The following GALNT17 variants were observed in gnomAD, a reference collection of about 807,000 sequenced individuals.
GALNT17 encodes UDP-GalNAc:polypeptide N-acetylgalactosaminyltransferase-like 3.
GALNT17 carries 29 observed loss-of-function variants against 63.7 expected under a neutral mutation model. The ratio of observed to expected loss-of-function variants is 0.46; its 90% CI spans 0.34 to 0.62. The LOEUF is 0.62. Among genes scored for constraint, GALNT17 ranks in the 20% least tolerant of loss-of-function variants. The pLI, the probability that GALNT17 is intolerant of heterozygous loss-of-function variation, is 0.01. For missense variants in GALNT17, 603 were observed against 799.6 expected (o/e 0.75, Z 2.97); for synonymous variants, 305 against 318.3 (o/e 0.96, Z 0.45).
intron 2 of GALNT17, among the ~76,000 whole-genome samples, chr7:71,338,880 C>T (rs1479725939): frequency 6.6e-6 from 1 of 152,190 alleles, no homozygotes; most frequent in African/African-American, 2.4e-5. Context: ...AAATTTGCAG[C>T]ATTAGCTGAG....
intron 6 of GALNT17, among the ~76,000 whole-genome samples, chr7:71,628,900 T>C (rs2140889): frequency 1 from 152,196 of 152,212 alleles, 76,090 homozygotes; most frequent in Middle Eastern, 1. Context: ...CCACTGCACC[T>C]CAGCCTGGAT....
chr7:71,629,994 G>A (rs1052190495), intron 6 of GALNT17, among the ~76,000 whole-genome samples: 1 of 150,136 alleles, frequency 6.7e-6, no homozygotes, highest in African/African-American at 2.5e-5. Context: ...ATTCCTTCTA[G>A]TCCATGTTTA....
chr7:71,263,385 C>CA (rs1790422094), intron 1 of GALNT17, among the ~76,000 whole-genome samples: 2 of 152,020 alleles, frequency 1.3e-5, no homozygotes, highest in Non-Finnish European at 2.9e-5. Flanking sequence ...AAACAAGAAG[C>CA]AATCTTGCAG....
rs2115568280 is a variant in GALNT17 at position 71,710,845 on chromosome 7, G to C, written c.1585G>C (p.Asp529His). Residue 529 changes from aspartate (D) to histidine (H), a missense_variant, in exon 10 of 11, where the codon GAC (aspartate) becomes CAC (histidine). Coordinates refer to ENST00000333538, the MANE Select transcript of GALNT17 (RefSeq NM_022479.3). ...CCTCCCTGACACCCGCTGCCTGGTG[G>C]ACAACTCCAAGAGTCGGCTGCCCCA... ...TLLPDTRCLV[D>H]NSKSRLPQLL... is the part of the protein sequence containing the mutation. 1 of 1,613,898 alleles carries C rather than the reference G, an allele frequency of 6.2e-7. No homozygotes were observed. The highest frequency in any genetic ancestry group is 1.7e-4 in the Middle Eastern group (1 of 5,910).
In GALNT17 at chr7:71,471,571, A is replaced by G. The variant is rs113995079; in HGVS notation, c.962+50466A>G. 5.3e-3 allele frequency among the ~76,000 whole-genome samples: 802 copies of G among 152,130 alleles called. 8 individuals carry two copies. The highest frequency in any genetic ancestry group is 0.018 in the African/African-American group (766 of 41,508). On this transcript the variant is annotated intron_variant, in intron 5 of 10. Transcript: ENST00000333538. ...ATCACAGACCTAATTCTACCTTCCAAAGTCCTCATGGGCCACTGGTTATCC... is the reference window on the plus strand; with the variant it reads ...ATCACAGACCTAATTCTACCTTCCAGAGTCCTCATGGGCCACTGGTTATCC...
At chr7:71,622,978 T>C (rs1790318518) in intron 6 of GALNT17, among the ~76,000 whole-genome samples, 1 of 152,222 alleles carries the variant, frequency 6.6e-6, no homozygotes, top group Admixed American at 6.5e-5. Context: ...CTCCATCTTA[T>C]GCTCTTCAAG....
chr7:71,671,410 G>T (rs1791067767), intron 8 of GALNT17, among the ~76,000 whole-genome samples: 1 of 152,176 alleles, frequency 6.6e-6, no homozygotes, highest in South Asian at 2.1e-4. Flanking sequence ...TACAACTGTG[G>T]ATTTTCCTAT....
chr7:71,148,947 T>C (rs1405798300), intron 1 of GALNT17, among the ~76,000 whole-genome samples: 1 of 150,710 alleles, frequency 6.6e-6, no homozygotes, highest in Non-Finnish European at 1.5e-5. Flanking sequence ...TTGTTGTTGT[T>C]TTGAGACACA....
At chr7:71,374,992 A>G (rs928219065) in intron 2 of GALNT17, among the ~76,000 whole-genome samples, 3 of 151,860 alleles carry the variant, frequency 2.0e-5, no homozygotes, top group African/African-American at 7.3e-5. Context: ...GGCGCACACC[A>G]CCATGCCCAG....
At chr7:71,265,558 AGGT>A (rs1285891971) in intron 1 of GALNT17, among the ~76,000 whole-genome samples, 7 of 152,220 alleles carry the variant, frequency 4.6e-5, no homozygotes, top group Non-Finnish European at 8.8e-5. Flanking sequence ...GGTTTGACAG[AGGT>A]GGTGGTATCA....
At chr7:71,231,749 GGAGA>G (rs371282510) in intron 1 of GALNT17, among the ~76,000 whole-genome samples, 6 of 145,570 alleles carry the variant, frequency 4.1e-5, no homozygotes, top group Non-Finnish European at 3.0e-5. Flanking sequence ...GGAGGGAGAG[GGAGA>G]GAGAGAGAGA....
At chr7:71,671,388 T>C (rs1203951145) in intron 8 of GALNT17, among the ~76,000 whole-genome samples, 6 of 152,182 alleles carry the variant, frequency 3.9e-5, no homozygotes, top group Non-Finnish European at 8.8e-5. Context: ...CTTAGGAGTA[T>C]TTACATTTTT....
chr7:71,185,759 G>A (rs1469008335), intron 1 of GALNT17, among the ~76,000 whole-genome samples: 1 of 152,040 alleles, frequency 6.6e-6, no homozygotes, highest in African/African-American at 2.4e-5. Flanking sequence ...CGCCCACCTC[G>A]GCCTACCAAA....
intron 1 of GALNT17, among the ~76,000 whole-genome samples, chr7:71,322,136 G>A (rs1454848110): frequency 6.6e-6 from 1 of 150,830 alleles, no homozygotes. Context: ...TCATTTTTTT[G>A]TAGAGACAGG....
intron 6 of GALNT17, among the ~76,000 whole-genome samples, chr7:71,647,628 G>A (rs1185413130): frequency 1.3e-5 from 2 of 152,174 alleles, no homozygotes; most frequent in East Asian, 3.9e-4. Flanking sequence ...CTCTACCATT[G>A]CTTCTGTGTG....
intron 5 of GALNT17, among the ~76,000 whole-genome samples, chr7:71,495,237 C>T (rs377036762): frequency 1.3e-5 from 2 of 152,078 alleles, no homozygotes; most frequent in East Asian, 3.9e-4. Context: ...GACTGTGCCA[C>T]TGCACTCCAG....
intron 1 of GALNT17, among the ~76,000 whole-genome samples, chr7:71,286,531 G>C (rs115643763): frequency 3.9e-5 from 6 of 151,932 alleles, no homozygotes; most frequent in Admixed American, 2.0e-4. Context: ...AAGGAAACAC[G>C]CTCTGGGCTT....
chr7:71,561,264 G>A (rs763075401), intron 5 of GALNT17, among the ~76,000 whole-genome samples: 41 of 152,138 alleles, frequency 2.7e-4, no homozygotes, highest in East Asian at 2.1e-3. Flanking sequence ...CGCCCACCTC[G>A]GCCTCCCAAA....
intron 2 of GALNT17, among the ~76,000 whole-genome samples, chr7:71,379,640 A>T (rs535243578): frequency 6.8e-4 from 103 of 152,268 alleles, no homozygotes; most frequent in Non-Finnish European, 1.3e-3. Context: ...TTGAGGGGTC[A>T]TGACTTGAAT....
Sources: gnomAD v4.1 joint callset for allele counts (sites outside exome capture counted in the v4.1 genomes callset) on GRCh38, gnomAD v4.1.1 for gene constraint, MANE v1.5 for transcripts, NCBI Gene and HGNC (gene_info 2026-07-23, HGNC 2026-07-21) for gene names.